MAPKAPK2: variants seen among roughly 807,000 people sequenced by gnomAD.
MAPKAPK2 encodes the protein MAPK activated protein kinase 2, also known as MAP kinase-activated protein kinase 2.
MAPKAPK2 carries 9 observed loss-of-function variants against 48.8 expected under a neutral mutation model. That is an observed-to-expected ratio of 0.18 (90% confidence interval 0.11 to 0.32). The LOEUF is 0.32. Ranked by LOEUF, MAPKAPK2 falls within the 10% of genes least tolerant of loss-of-function variation. The pLI, the probability that MAPKAPK2 is intolerant of heterozygous loss-of-function variation, is 1.00. For missense variants in MAPKAPK2, 331 were observed against 498.3 expected, an observed-to-expected ratio of 0.66 and a Z score of 3.20; for synonymous variants, 202 against 190.6, an observed-to-expected ratio of 1.06 and a Z score of -0.49.
chr1:206,712,494 T>TTTG (rs1236394300), intron 1 of MAPKAPK2, among the ~76,000 whole-genome samples: 18 of 151,956 alleles, frequency 1.2e-4, no homozygotes, highest in East Asian at 3.9e-4. Context: ...GATGGGTTTT[T>TTTG]TTGTTGTTGT....
chr1:206,693,367 T>C (rs1672514402), intron 1 of MAPKAPK2, among the ~76,000 whole-genome samples: 1 of 152,196 alleles, frequency 6.6e-6, no homozygotes, highest in Non-Finnish European at 1.5e-5. Flanking sequence ...CCCCTTTCTC[T>C]TCCAGCCTGA....
At chr1:206,727,338 G>A (rs777899835) in intron 1 of MAPKAPK2, among the ~76,000 whole-genome samples, 28 of 152,192 alleles carry the variant, frequency 1.8e-4, no homozygotes, top group Non-Finnish European at 4.1e-4. Flanking sequence ...CAAAGGAAGG[G>A]TAGATCAGGA....
intron 1 of MAPKAPK2, among the ~76,000 whole-genome samples, chr1:206,687,430 A>T (rs868954470): frequency 6.6e-6 from 1 of 152,256 alleles, no homozygotes; most frequent in Non-Finnish European, 1.5e-5. Context: ...GTGGGCGAAG[A>T]GTGAAGTCAG....
At chr1:206,707,454 A>C (rs1258491690) in intron 1 of MAPKAPK2, among the ~76,000 whole-genome samples, 10 of 152,162 alleles carry the variant, frequency 6.6e-5, no homozygotes, top group African/African-American at 2.4e-4. Context: ...AAACCAGAGC[A>C]GCAAAGGTAG....
intron 1 of MAPKAPK2, among the ~76,000 whole-genome samples, chr1:206,702,326 G>T (rs1394724398): frequency 6.6e-6 from 1 of 152,200 alleles, no homozygotes; most frequent in Non-Finnish European, 1.5e-5. Flanking sequence ...GCTGTGGTGT[G>T]GTCCCTGCCA....
At chr1:206,689,886 G>C (rs1233654177) in intron 1 of MAPKAPK2, among the ~76,000 whole-genome samples, 1 of 152,230 alleles carries the variant, frequency 6.6e-6, no homozygotes, top group Non-Finnish European at 1.5e-5. Flanking sequence ...CCTAGACTTT[G>C]TTGGTCTGGG....
chr1:206,685,599 C>G (rs1438831408), intron 1 of MAPKAPK2, 91 bp downstream of exon 1: 5 of 1,126,080 alleles, frequency 4.4e-6, no homozygotes, highest in Non-Finnish European at 5.5e-6. Context: ...TGGGTCGCGG[C>G]GCGGGGCGGA....
At chr1:206,705,446 G>A (rs763962877) in intron 1 of MAPKAPK2, among the ~76,000 whole-genome samples, 20 of 152,234 alleles carry the variant, frequency 1.3e-4, no homozygotes, top group Non-Finnish European at 2.5e-4. Context: ...CCAGGCTGCC[G>A]AGAGTGCCTG....
chr1:206,708,955 T>C (rs782098602), intron 1 of MAPKAPK2, among the ~76,000 whole-genome samples: 2 of 152,256 alleles, frequency 1.3e-5, no homozygotes, highest in African/African-American at 2.4e-5. Flanking sequence ...TATTCCATTG[T>C]ATAGATATGA....
chr1:206,722,386 AC>A (rs1673551913), intron 1 of MAPKAPK2, among the ~76,000 whole-genome samples: 1 of 152,156 alleles, frequency 6.6e-6, no homozygotes, highest in Non-Finnish European at 1.5e-5. Context: ...ACAAAAAAAA[AC>A]AAAGAAACAA....
rs2102417623 is a variant in MAPKAPK2, at chr1:206,731,951, A to T, written c.1059+32A>T. The T allele has an allele frequency of 6.2e-7, 1 of 1,612,956 alleles. No homozygotes were observed. The highest frequency in any genetic ancestry group is 8.5e-7 in the Non-Finnish European group (1 of 1,179,342). ...GGCACCACTGGGTGAGAGGGGCTCC[A>T]GGTGGGGTGGGCGGCTTGCGGGGAG... is the stretch of plus-strand genomic sequence containing the variant. On this transcript the variant is annotated intron_variant, in intron 9 of 9. Transcript: ENST00000367103. This position sits in a 1 kb window ranked among gnomAD's most constrained non-coding sequence, Gnocchi z 5.9.
chr1:206,685,039 G>A lies in MAPKAPK2; in HGVS notation c.-191G>A, dbSNP rs1168241171. 2.8e-4 allele frequency: 47 copies of A among 165,498 alleles called. No homozygotes were observed. Among genetic ancestry groups the A allele is most frequent in the Admixed American group, 1.1e-3 (17 of 15,630 alleles). 10.3% of individuals were successfully genotyped at this position (165,498 alleles called of 1,614,324 possible). A position where few individuals can be genotyped will look rare whatever the true frequency, so the allele number is the denominator to read the frequency against. Reference sequence around the variant, plus strand: ...GAGGGAGGGCGCCGGGCCGGTGGGAGCCAGCGGCGCGCGGTGGGACCCACG... The same window carrying A: ...GAGGGAGGGCGCCGGGCCGGTGGGAACCAGCGGCGCGCGGTGGGACCCACG... On this transcript the variant is annotated 5_prime_UTR_variant, in exon 1 of 10. Coordinates refer to ENST00000367103, the MANE Select transcript of MAPKAPK2 (RefSeq NM_032960.4).
chr1:206,721,746 A>G (rs1355763177), intron 1 of MAPKAPK2, among the ~76,000 whole-genome samples: 1 of 152,170 alleles, frequency 6.6e-6, no homozygotes, highest in Non-Finnish European at 1.5e-5. Flanking sequence ...GTGGGGGTGA[A>G]GTGGGTGAGA....
chr1:206,685,213 C>A lies in MAPKAPK2; in HGVS notation c.-17C>A. ...GCCGCGGGCACCCCCGCCTGTGCCC[C>A]GGCGTCCCCGGGCACCATGCTGTCC... On this transcript the variant is annotated 5_prime_UTR_variant, in exon 1 of 10. Coordinates refer to ENST00000367103, the MANE Select transcript of MAPKAPK2 (RefSeq NM_032960.4). 5.3e-6 allele frequency: 2 copies of A among 377,754 alleles called. No homozygotes were observed. The highest frequency in any genetic ancestry group is 6.5e-5 in the South Asian group (1 of 15,362). The allele number at this position is 377,754 out of a possible 1,614,324, so 23.4% of individuals were successfully genotyped here.
At chr1:206,724,116 T>C (rs1245835179) in intron 1 of MAPKAPK2, among the ~76,000 whole-genome samples, 1 of 152,240 alleles carries the variant, frequency 6.6e-6, no homozygotes, top group Non-Finnish European at 1.5e-5. Context: ...TTCCTTCTTC[T>C]AGTCTCCAGT....
chr1:206,691,586 C>T (rs1387072967), intron 1 of MAPKAPK2, among the ~76,000 whole-genome samples: 3 of 149,038 alleles, frequency 2.0e-5, no homozygotes, highest in Admixed American at 6.7e-5. Context: ...AAAATAAGTG[C>T]ATACATAAAT....
Position 206,732,389 on chromosome 1 carries a change from C to G in MAPKAPK2, c.1060-186C>G. ...TGCCATAGCCAGGCTCTCTGCTGCCCAGCGCTGGGGTGAGGCTGCCGTTGT... is the reference window on the plus strand; with the variant it reads ...TGCCATAGCCAGGCTCTCTGCTGCCGAGCGCTGGGGTGAGGCTGCCGTTGT... On this transcript the variant is annotated intron_variant, in intron 9 of 9. Coordinates refer to ENST00000367103, the MANE Select transcript of MAPKAPK2 (RefSeq NM_032960.4). The surrounding 1 kb of genome is among the most constrained non-coding windows in gnomAD (Gnocchi z 4.4). 1.4e-6 allele frequency: 2 copies of G among 1,451,724 alleles called. No individual in the cohort carries two copies. Among genetic ancestry groups the G allele is most frequent in the Non-Finnish European group, 1.8e-6 (2 of 1,102,690 alleles). 89.9% of individuals were successfully genotyped at this position (1,451,724 alleles called of 1,614,324 possible).
intron 1 of MAPKAPK2, among the ~76,000 whole-genome samples, chr1:206,728,234 A>G (rs1673771431): frequency 6.6e-6 from 1 of 152,078 alleles, no homozygotes; most frequent in African/African-American, 2.4e-5. Context: ...AGAGGTAGAG[A>G]GAATATTGCT....
intron 1 of MAPKAPK2, among the ~76,000 whole-genome samples, chr1:206,705,622 T>C (rs1672929672): frequency 6.6e-6 from 1 of 152,218 alleles, no homozygotes; most frequent in Non-Finnish European, 1.5e-5. Context: ...GTGGGCTGGA[T>C]GCTTTCTCCT....
Sources: gnomAD v4.1 joint callset for allele counts (sites outside exome capture counted in the v4.1 genomes callset) on GRCh38, gnomAD v4.1.1 for gene constraint, Gnocchi (gnomAD v3.1) non-coding constraint, MANE v1.5 for transcripts, NCBI Gene and HGNC (gene_info 2026-07-23, HGNC 2026-07-21) for gene names.